The following GARIN1A variants were observed in gnomAD, a reference collection of about 807,000 sequenced individuals.
The protein encoded by GARIN1A is golgi associated RAB2 interactor 1A.
chr7:128,708,878 A>G, the GARIN1A span, among the ~76,000 whole-genome samples: 1 of 152,198 alleles, frequency 6.6e-6, no homozygotes, highest in Non-Finnish European at 1.5e-5. Context: ...TCATCCTTAA[A>G]TAATAAATAA....
At chr7:128,706,423 A>G in the GARIN1A span, among the ~76,000 whole-genome samples, 6 of 152,178 alleles carry the variant, frequency 3.9e-5, no homozygotes, top group Non-Finnish European at 8.8e-5. Flanking sequence ...ACACACACGC[A>G]CACACATCCA....
the GARIN1A span, among the ~76,000 whole-genome samples, chr7:128,701,943 G>C: frequency 6.6e-6 from 1 of 152,092 alleles, no homozygotes; most frequent in Admixed American, 6.6e-5. Flanking sequence ...AAGAATTACA[G>C]TAAACTTCTC....
chr7:128,672,477 T>C, the GARIN1A span: 1 of 1,609,188 alleles, frequency 6.2e-7, no homozygotes, highest in Non-Finnish European at 8.5e-7. Flanking sequence ...AATGGCCTTC[T>C]TTGTCAACTG....
chr7:128,699,260 G>GGCC, the GARIN1A span, among the ~76,000 whole-genome samples: 3 of 105,016 alleles, frequency 2.9e-5, no homozygotes, highest in Non-Finnish European at 4.0e-5. Flanking sequence ...CATACCTGCT[G>GGCC]CCCCCCCCCC....
the GARIN1A span, among the ~76,000 whole-genome samples, chr7:128,689,512 C>T: frequency 2.0e-5 from 3 of 151,418 alleles, no homozygotes; most frequent in African/African-American, 2.4e-5. Flanking sequence ...AGCCCCTCCG[C>T]CCGGCAGCCG....
chr7:128,700,211 G>A, the GARIN1A span, among the ~76,000 whole-genome samples: 2 of 150,662 alleles, frequency 1.3e-5, no homozygotes, highest in African/African-American at 4.9e-5. Context: ...TATATAATTT[G>A]TAATCTTCAA....
At chr7:128,673,016 G>C in the GARIN1A span, among the ~76,000 whole-genome samples, 1 of 152,244 alleles carries the variant, frequency 6.6e-6, no homozygotes, top group Non-Finnish European at 1.5e-5. Context: ...GGATGGTGGT[G>C]ACATGACCAA....
At chr7:128,694,601 C>A in the GARIN1A span, among the ~76,000 whole-genome samples, 11 of 151,756 alleles carry the variant, frequency 7.2e-5, no homozygotes, top group African/African-American at 2.7e-4. Flanking sequence ...TAACATATAA[C>A]CCATGATAAT....
the GARIN1A span, among the ~76,000 whole-genome samples, chr7:128,696,902 AG>A: frequency 2.0e-5 from 3 of 152,184 alleles, no homozygotes; most frequent in Non-Finnish European, 4.4e-5. Flanking sequence ...CAACTACTTG[AG>A]TCTAGACCCT....
the GARIN1A span, among the ~76,000 whole-genome samples, chr7:128,689,293 G>GGCA: frequency 1.3e-5 from 2 of 150,936 alleles, no homozygotes; most frequent in South Asian, 2.1e-4. Context: ...CCCTCTGCCC[G>GGCA]GCTGCCCAGT....
At chr7:128,677,371 G>A in the GARIN1A span, among the ~76,000 whole-genome samples, 4 of 152,050 alleles carry the variant, frequency 2.6e-5, no homozygotes, top group East Asian at 1.9e-4. Flanking sequence ...GCCGGGCGTG[G>A]TGGCGGGCGC....
At chr7:128,676,275 G>T in the GARIN1A span, among the ~76,000 whole-genome samples, 13 of 142,980 alleles carry the variant, frequency 9.1e-5, no homozygotes, top group South Asian at 4.7e-4. Context: ...CTCCCAAAGT[G>T]CTGGGATTAC....
At chr7:128,677,704 G>A in the GARIN1A span, 7 of 1,613,588 alleles carry the variant, frequency 4.3e-6, no homozygotes, top group African/African-American at 4.0e-5. Context: ...TTCTGGGTCC[G>A]CTTGGTGAAA....
the GARIN1A span, among the ~76,000 whole-genome samples, chr7:128,708,192 T>TC: frequency 6.6e-6 from 1 of 150,884 alleles, no homozygotes; most frequent in African/African-American, 2.4e-5. Context: ...TTTTTTTTTT[T>TC]TTTTTTTAAT....
At chr7:128,687,212 T>C in the GARIN1A span, 1 of 152,224 alleles carries the variant, frequency 6.6e-6, no homozygotes, top group African/African-American at 2.4e-5. Flanking sequence ...TTTTATAGCA[T>C]TTCTCACCCA....
chr7:128,700,375 G>A, the GARIN1A span, among the ~76,000 whole-genome samples: 1 of 151,700 alleles, frequency 6.6e-6, no homozygotes, highest in Non-Finnish European at 1.5e-5. Context: ...GTGCCACCAG[G>A]GTTCAAGCCA....
chr7:128,707,780 C>T, the GARIN1A span, among the ~76,000 whole-genome samples: 3 of 152,146 alleles, frequency 2.0e-5, no homozygotes, highest in Non-Finnish European at 4.4e-5. Context: ...GTATAAGTGA[C>T]ATCATACAGT....
the GARIN1A span, chr7:128,675,664 C>A: frequency 6.2e-7 from 1 of 1,613,016 alleles, no homozygotes; most frequent in East Asian, 2.2e-5. Context: ...GTACCTGAGG[C>A]TGATTTCCAG....
chr7:128,681,376 GCTTT>G, the GARIN1A span, among the ~76,000 whole-genome samples: 4 of 151,690 alleles, frequency 2.6e-5, no homozygotes, highest in South Asian at 2.1e-4. Flanking sequence ...TCTCTTAGGA[GCTTT>G]CTTTCTTTTT....
Sources: allele counts gnomAD v4.1 joint callset (sites outside exome capture counted in the v4.1 genomes callset), GRCh38; gene constraint gnomAD v4.1.1; transcripts MANE v1.5; gene names NCBI Gene and HGNC (gene_info 2026-07-23, HGNC 2026-07-21).